Variants in MAP2K1 observed in about 807,000 individuals in gnomAD.
The protein encoded by MAP2K1 is mitogen-activated protein kinase kinase 1, also known as dual specificity mitogen-activated protein kinase kinase 1.
A neutral mutation model predicts 46.3 loss-of-function variants in MAP2K1; 16 were observed. That is an observed-to-expected ratio of 0.35 (90% CI 0.23 to 0.52). The LOEUF (loss-of-function observed/expected upper bound fraction) is 0.52, where lower values mean the gene tolerates loss of function less well. Ranked by LOEUF, MAP2K1 falls within the 20% of genes least tolerant of loss-of-function variation. MAP2K1 has a pLI of 0.94. For synonymous variants in MAP2K1, 183 were observed against 185.6 expected (o/e 0.99, Z 0.11); for missense variants, 263 against 497.1 (o/e 0.53, Z 4.48).
At chr15:66,422,354 G>T (rs1272991678) in intron 1 of MAP2K1, among the ~76,000 whole-genome samples, 1 of 152,094 alleles carries the variant, frequency 6.6e-6, no homozygotes. Context: ...CAGTTTCTCC[G>T]TCTAAACCAG....
intron 2 of MAP2K1, 114 bp downstream of exon 2, chr15:66,435,351 ATTTT>A: frequency 1.6e-6 from 1 of 613,518 alleles, no homozygotes; most frequent in Non-Finnish European, 2.8e-6. Context: ...TGCTGTTTGA[ATTTT>A]TTTTTTTTTT....
At chr15:66,447,705 T>C (rs8027199) in intron 5 of MAP2K1, among the ~76,000 whole-genome samples, 1 of 150,144 alleles carries the variant, frequency 6.7e-6, no homozygotes, top group Non-Finnish European at 1.5e-5. Context: ...AAAAAAAGTT[T>C]AATTGTAAAA....
intron 5 of MAP2K1, among the ~76,000 whole-genome samples, chr15:66,465,401 A>G (rs1892438153): frequency 1.3e-5 from 2 of 152,178 alleles, no homozygotes; most frequent in Non-Finnish European, 2.9e-5. Flanking sequence ...TGGGGGCTGC[A>G]TGCACTGGTA....
intron 1 of MAP2K1, among the ~76,000 whole-genome samples, chr15:66,416,648 C>A (rs578072941): frequency 2.4e-4 from 36 of 152,104 alleles, no homozygotes; most frequent in Non-Finnish European, 3.4e-4. Context: ...TGTTTTTTCT[C>A]TTTTTGCTCT....
At chr15:66,393,081 G>C (rs1431364371) in intron 1 of MAP2K1, among the ~76,000 whole-genome samples, 1 of 152,120 alleles carries the variant, frequency 6.6e-6, no homozygotes, top group Admixed American at 6.5e-5. Flanking sequence ...TGGATGTTGT[G>C]AGAGAGTTTC....
intron 8 of MAP2K1, chr15:66,488,558 G>C (rs1034879326): frequency 1.3e-5 from 2 of 154,512 alleles, no homozygotes; most frequent in African/African-American, 4.8e-5. Flanking sequence ...CAGTGCTCCA[G>C]AGCCTTGTAC....
chr15:66,420,727 G>A (rs200496490), intron 1 of MAP2K1, among the ~76,000 whole-genome samples: 24,707 of 34,696 alleles, frequency 0.71, 9,188 homozygotes, highest in East Asian at 0.87. Flanking sequence ...ATATATGTGT[G>A]TGTGTGTGTG....
intron 5 of MAP2K1, among the ~76,000 whole-genome samples, chr15:66,452,420 G>A (rs1892055678): frequency 6.6e-6 from 1 of 152,090 alleles, no homozygotes; most frequent in Admixed American, 6.6e-5. Flanking sequence ...GTTTGAGGGG[G>A]AAACAGTTTT....
chr15:66,472,009 G>A (rs1399675038), intron 5 of MAP2K1, among the ~76,000 whole-genome samples: 6 of 146,044 alleles, frequency 4.1e-5, no homozygotes, highest in East Asian at 4.1e-4. Context: ...CCGGGGAGGC[G>A]GAGGTTGCAG....
At chr15:66,446,747 C>A (rs1169066167) in intron 5 of MAP2K1, 2 of 340,134 alleles carry the variant, frequency 5.9e-6, no homozygotes, top group South Asian at 2.6e-5. Flanking sequence ...TGCTTATAGC[C>A]GGCAAAAATG....
intron 1 of MAP2K1, among the ~76,000 whole-genome samples, chr15:66,420,585 G>C (rs1181733679): frequency 6.6e-6 from 1 of 150,544 alleles, no homozygotes; most frequent in Non-Finnish European, 1.5e-5. Context: ...CTTTCAACCT[G>C]GGGAAGCCGA....
rs1031541788 is a variant in MAP2K1, at chr15:66,393,015, C to T, written c.80+5588C>T. ...TAGACATCTTTGTTGTTTCCCAACC[C>T]CTTGCTGCCTCAAACAGTCATGACC... On this transcript the variant is annotated intron_variant, in intron 1 of 10. Coordinates refer to ENST00000307102, the MANE Select transcript of MAP2K1 (RefSeq NM_002755.4). Among the ~76,000 whole-genome samples the T allele has an allele frequency of 1.3e-5, 2 of 152,142 alleles. 1 individual carries two copies. Among genetic ancestry groups the T allele is most frequent in the African/African-American group, 4.8e-5 (2 of 41,420 alleles).
intron 1 of MAP2K1, among the ~76,000 whole-genome samples, chr15:66,425,312 T>C (rs1013419413): frequency 2.0e-5 from 3 of 152,226 alleles, no homozygotes; most frequent in African/African-American, 7.2e-5. Context: ...CTTCATCAAC[T>C]AGGAGAAGCT....
At chr15:66,439,747 C>T (rs1451353354) in intron 3 of MAP2K1, among the ~76,000 whole-genome samples, 1 of 151,678 alleles carries the variant, frequency 6.6e-6, no homozygotes, top group Non-Finnish European at 1.5e-5. Context: ...GCCTGGACAA[C>T]AAAGGCAAAA....
intron 1 of MAP2K1, among the ~76,000 whole-genome samples, chr15:66,391,279 T>C (rs2093355604): frequency 6.6e-6 from 1 of 152,206 alleles, no homozygotes; most frequent in African/African-American, 2.4e-5. Flanking sequence ...CTATAAACTT[T>C]AAGCACAGCA....
chr15:66,474,152 C>A (rs1892703435), intron 5 of MAP2K1, among the ~76,000 whole-genome samples: 1 of 151,868 alleles, frequency 6.6e-6, no homozygotes, highest in Admixed American at 6.6e-5. Flanking sequence ...GAGAGCATTT[C>A]AAAACTAATG....
intron 1 of MAP2K1, among the ~76,000 whole-genome samples, chr15:66,431,520 C>T (rs2093474975): frequency 6.6e-6 from 1 of 152,086 alleles, no homozygotes; most frequent in Admixed American, 6.6e-5. Flanking sequence ...GCCGTTGCTG[C>T]CTTGGCCTCT....
chr15:66,488,126 G>C (rs8033710), intron 8 of MAP2K1, among the ~76,000 whole-genome samples: 38 of 152,076 alleles, frequency 2.5e-4, no homozygotes, highest in Middle Eastern at 3.2e-3. Flanking sequence ...TTCTACTGCA[G>C]CCTCTGCTGG....
At chr15:66,390,980 A>G (rs2093355006) in intron 1 of MAP2K1, among the ~76,000 whole-genome samples, 1 of 151,732 alleles carries the variant, frequency 6.6e-6, no homozygotes, top group Admixed American at 6.6e-5. Context: ...TATTTGCCTA[A>G]ATGTCACTTC....
Sources: allele counts gnomAD v4.1 joint callset (sites outside exome capture counted in the v4.1 genomes callset), GRCh38; gene constraint gnomAD v4.1.1; transcripts MANE v1.5; gene names NCBI Gene and HGNC (gene_info 2026-07-23, HGNC 2026-07-21).